The following ZYG11B variants were observed in gnomAD, a reference collection of about 807,000 sequenced individuals.
ZYG11B encodes the protein protein zyg-11 homolog B.
ZYG11B carries 36 observed loss-of-function variants against 82.4 expected under a neutral mutation model. That is an observed-to-expected ratio of 0.44 (90% CI 0.33 to 0.58). The LOEUF (loss-of-function observed/expected upper bound fraction) is 0.58. Among genes scored for constraint, ZYG11B ranks in the 20% least tolerant of loss-of-function variants. The pLI, the probability that ZYG11B is intolerant of heterozygous loss-of-function variation, is 0.02. For synonymous variants in ZYG11B, 303 were observed against 312.8 expected (o/e 0.97, Z 0.33); for missense variants, 552 against 895.6 (o/e 0.62, Z 4.90).
chr1:52,749,285 T>C (rs1558120414), intron 1 of ZYG11B, among the ~76,000 whole-genome samples: 1 of 152,066 alleles, frequency 6.6e-6, no homozygotes, highest in Non-Finnish European at 1.5e-5. Flanking sequence ...AGCTCTGAGA[T>C]GTGAAAATAT....
intron 10 of ZYG11B, among the ~76,000 whole-genome samples, chr1:52,803,145 T>TAC: frequency 1.3e-5 from 1 of 75,102 alleles, no homozygotes; most frequent in African/African-American, 6.8e-5. Context: ...CACACATATA[T>TAC]ATATATATAC....
In ZYG11B at chr1:52,822,763, A is replaced by G. The variant is rs1359123039; in HGVS notation, c.*1134A>G. 6.6e-6 allele frequency: 1 copy of G among 152,220 alleles called. No homozygotes were observed. The highest frequency in any genetic ancestry group is 2.4e-5 in the African/African-American group (1 of 41,458). The allele number at this position is 152,220 out of a possible 1,614,324, so 9.4% of individuals were successfully genotyped here. ...GATTCTACTCGCAGTGCATAACAGC[A>G]CATATTTTTGACAGATTATTTTTTA... On this transcript the variant is annotated 3_prime_UTR_variant, in exon 14 of 14. Transcript: ENST00000294353.
intron 3 of ZYG11B, among the ~76,000 whole-genome samples, chr1:52,774,865 T>C (rs1325424287): frequency 2.6e-5 from 4 of 152,104 alleles, no homozygotes; most frequent in Non-Finnish European, 5.9e-5. Context: ...AGAACTAGAA[T>C]TCTTACATTT....
chr1:52,774,137 C>CT (rs71701008), intron 3 of ZYG11B, among the ~76,000 whole-genome samples: 117 of 147,766 alleles, frequency 7.9e-4, no homozygotes, highest in African/African-American at 8.7e-4. Context: ...TTTACAATAA[C>CT]TTTTTTTTTT....
At chr1:52,736,620 T>G (rs1644380677) in intron 1 of ZYG11B, among the ~76,000 whole-genome samples, 1 of 152,044 alleles carries the variant, frequency 6.6e-6, no homozygotes, top group Non-Finnish European at 1.5e-5. Context: ...GCCCAGCTAA[T>G]TTTTGTATTT....
chr1:52,784,965 A>G lies in ZYG11B; in HGVS notation c.1181A>G (p.Asp394Gly). The change falls in exon 5 of 14, where the codon GAT (aspartate) becomes GGT (glycine). Residue 394 changes from aspartate to glycine, a missense_variant. Asp to Gly is a moderately conservative substitution (Grantham distance 94). Transcript: ENST00000294353. ...TGTGTATTTAACTTAACCAAGCAGGATCTTGCTGCAGGGATGCCTGTCCGA... is the reference window on the plus strand; with the variant it reads ...TGTGTATTTAACTTAACCAAGCAGGGTCTTGCTGCAGGGATGCCTGTCCGA... Reference protein sequence around the residue: ...SACVFNLTKQDLAAGMPVRLL... With the variant: ...SACVFNLTKQGLAAGMPVRLL... 6.2e-7 allele frequency: 1 copy of G among 1,614,212 alleles called. No homozygotes were observed. Among genetic ancestry groups the G allele is most frequent in the Non-Finnish European group, 8.5e-7 (1 of 1,180,042 alleles).
chr1:52,787,760 ATTTC>A (rs374911476), intron 5 of ZYG11B, among the ~76,000 whole-genome samples: 1 of 151,178 alleles, frequency 6.6e-6, no homozygotes, highest in African/African-American at 2.4e-5. Flanking sequence ...ATTTTTCTGT[ATTTC>A]TTATTTAGTA....
chr1:52,780,920 G>T (rs1238726709), intron 4 of ZYG11B, among the ~76,000 whole-genome samples: 1 of 152,108 alleles, frequency 6.6e-6, no homozygotes, highest in Non-Finnish European at 1.5e-5. Flanking sequence ...AGGCAGGTGG[G>T]TCACTTGGGG....
At chr1:52,742,366 C>T (rs532814364) in intron 1 of ZYG11B, among the ~76,000 whole-genome samples, 1 of 151,658 alleles carries the variant, frequency 6.6e-6, no homozygotes, top group Non-Finnish European at 1.5e-5. Flanking sequence ...GTGGGAGGAT[C>T]TCTTGAGCCT....
chr1:52,726,807 T>G, intron 1 of ZYG11B, 124 bp downstream of exon 1: 1 of 950,058 alleles, frequency 1.1e-6, no homozygotes, highest in Non-Finnish European at 1.4e-6. Flanking sequence ...TGCCTTTACC[T>G]CTCTCCCTCG....
chr1:52,784,412 C>T (rs188171768), intron 4 of ZYG11B, among the ~76,000 whole-genome samples: 111 of 152,256 alleles, frequency 7.3e-4, no homozygotes, highest in Non-Finnish European at 1.2e-3. Context: ...GGGAAGGATT[C>T]GTTGGGGGTT....
At chr1:52,748,988 G>A (rs1388782497) in intron 1 of ZYG11B, among the ~76,000 whole-genome samples, 1 of 151,854 alleles carries the variant, frequency 6.6e-6, no homozygotes, top group East Asian at 1.9e-4. Flanking sequence ...ATTGCCTGAG[G>A]TCAGGAGTTC....
chr1:52,743,738 A>AT (rs1324759796), intron 1 of ZYG11B, among the ~76,000 whole-genome samples: 1 of 152,148 alleles, frequency 6.6e-6, no homozygotes, highest in Non-Finnish European at 1.5e-5. Context: ...AAACATTTAA[A>AT]TAAATTTAGT....
rs1056323982 is a variant in ZYG11B at position 52,776,722 on chromosome 1, G to GT, written c.952-3124dup. Among the ~76,000 whole-genome samples, 17 of 152,004 alleles carry GT rather than the reference G, an allele frequency of 1.1e-4. 1 individual carries two copies. The highest frequency in any genetic ancestry group is 3.1e-4 in the African/African-American group (13 of 41,480). On this transcript the variant is annotated intron_variant, in intron 3 of 13. Transcript: ENST00000294353. ...GATTATTTTATATTTCCCTCTTAGA[G>GT]TTTTTTTCATTTCACATTTCAGCAT...
At chr1:52,787,384 A>G (rs964187318) in intron 5 of ZYG11B, among the ~76,000 whole-genome samples, 3 of 152,238 alleles carry the variant, frequency 2.0e-5, no homozygotes, top group Admixed American at 6.5e-5. Context: ...ACATGTTTTG[A>G]TAAAAAGCAA....
At chr1:52,790,957 T>A (rs1250298255) in intron 6 of ZYG11B, among the ~76,000 whole-genome samples, 1 of 151,600 alleles carries the variant, frequency 6.6e-6, no homozygotes, top group Admixed American at 6.6e-5. Flanking sequence ...TATTTTACTA[T>A]TTTAAGATAT....
At chr1:52,752,153 A>T (rs1644531688) in intron 1 of ZYG11B, among the ~76,000 whole-genome samples, 1 of 152,004 alleles carries the variant, frequency 6.6e-6, no homozygotes, top group Non-Finnish European at 1.5e-5. Context: ...TAACCACAAC[A>T]CCTGTCAGTC....
intron 1 of ZYG11B, among the ~76,000 whole-genome samples, chr1:52,746,874 G>T: frequency 1.4e-5 from 2 of 148,046 alleles, no homozygotes; most frequent in South Asian, 2.1e-4. Flanking sequence ...TTTATTTTTG[G>T]AGTTTTTTTT....
intron 1 of ZYG11B, among the ~76,000 whole-genome samples, chr1:52,745,175 A>G (rs1224130074): frequency 1.3e-5 from 2 of 152,204 alleles, no homozygotes; most frequent in African/African-American, 4.8e-5. Flanking sequence ...AACCAACAAA[A>G]CAGATAACTG....
Sources: allele counts gnomAD v4.1 joint callset (sites outside exome capture counted in the v4.1 genomes callset), GRCh38; gene constraint gnomAD v4.1.1; transcripts MANE v1.5; gene names NCBI Gene and HGNC (gene_info 2026-07-23, HGNC 2026-07-21).